The following CCDC57 variants were observed in gnomAD, a reference collection of about 807,000 sequenced individuals.
CCDC57 encodes the protein coiled-coil domain-containing protein 57.
A neutral mutation model predicts 118.9 loss-of-function variants in CCDC57; 118 were observed. The observed-to-expected ratio is 0.99, with a 90% CI of 0.86 to 1.16. CCDC57 has a LOEUF of 1.16. Ranked by LOEUF, CCDC57 falls within the 50% of genes most tolerant of loss-of-function variation. The pLI is 0.00. For synonymous variants in CCDC57, 527 were observed against 532.9 expected, an observed-to-expected ratio of 0.99 and a Z score of 0.15; for missense variants, 1,300 against 1,320.7, an observed-to-expected ratio of 0.98 and a Z score of 0.24.
At chr17:82,190,670 T>C (rs1477628546) in intron 7 of CCDC57, among the ~76,000 whole-genome samples, 1 of 125,796 alleles carries the variant, frequency 7.9e-6, no homozygotes, top group Non-Finnish European at 1.6e-5. Context: ...ACCATCTGCC[T>C]GGGCAACAGA....
chr17:82,111,402 G>A (rs1255717683), intron 19 of CCDC57, among the ~76,000 whole-genome samples: 2 of 141,458 alleles, frequency 1.4e-5, no homozygotes. Context: ...TTTTTGAGAG[G>A]CTGTCTTGCT....
At chr17:82,150,750 C>T (rs2041854304) in intron 16 of CCDC57, among the ~76,000 whole-genome samples, 2 of 91,176 alleles carry the variant, frequency 2.2e-5, no homozygotes, top group African/African-American at 4.3e-5. Context: ...GAACCTGACC[C>T]GCACCCAGAA....
chr17:82,110,454 T>C (rs1449718254), intron 19 of CCDC57, among the ~76,000 whole-genome samples: 3 of 152,302 alleles, frequency 2.0e-5, no homozygotes, highest in South Asian at 4.1e-4. Context: ...AACAAACCCA[T>C]GTCCTCCTGG....
At chr17:82,148,196 T>C (rs1238010709) in intron 16 of CCDC57, among the ~76,000 whole-genome samples, 3 of 125,778 alleles carry the variant, frequency 2.4e-5, no homozygotes, top group Admixed American at 8.3e-5. Context: ...GATAGATGGG[T>C]GCGTGGATGG....
chr17:82,126,355 T>TA (rs1252475429), intron 19 of CCDC57: 29 of 936,462 alleles, frequency 3.1e-5, no homozygotes, highest in Non-Finnish European at 3.6e-5. Flanking sequence ...AATATGAACA[T>TA]AAAAAAACAC....
chr17:82,126,084 G>C (rs568216066), intron 19 of CCDC57, among the ~76,000 whole-genome samples: 2 of 152,014 alleles, frequency 1.3e-5, no homozygotes, highest in African/African-American at 2.4e-5. Flanking sequence ...AGTTCGAGAC[G>C]AGCCAGCCCA....
intron 19 of CCDC57, among the ~76,000 whole-genome samples, chr17:82,119,639 G>A (rs2145086989): frequency 6.6e-6 from 1 of 152,196 alleles, no homozygotes; most frequent in African/African-American, 2.4e-5. Flanking sequence ...CAAGGAGGGT[G>A]CCTGCAGGTG....
At chr17:82,166,554 A>G (rs901535940) in intron 13 of CCDC57, among the ~76,000 whole-genome samples, 2 of 152,072 alleles carry the variant, frequency 1.3e-5, no homozygotes, top group African/African-American at 4.8e-5. Flanking sequence ...AAACTCCAGC[A>G]AGCAATTTAA....
chr17:82,198,917 C>G (rs1002190386), intron 3 of CCDC57, among the ~76,000 whole-genome samples: 7 of 148,218 alleles, frequency 4.7e-5, no homozygotes, highest in African/African-American at 1.8e-4. Context: ...GGCGTGAACC[C>G]GGGAGGTGGA....
At chr17:82,211,459 T>G (rs923851721) in intron 1 of CCDC57, among the ~76,000 whole-genome samples, 2 of 152,136 alleles carry the variant, frequency 1.3e-5, no homozygotes, top group Non-Finnish European at 2.9e-5. Context: ...TGAACTGTGG[T>G]TCTCTAAGAG....
chr17:82,200,260 G>A (rs1240621464), intron 3 of CCDC57, among the ~76,000 whole-genome samples: 2 of 152,174 alleles, frequency 1.3e-5, no homozygotes, highest in African/African-American at 2.4e-5. Context: ...AAAAGGGCGT[G>A]GCAGAACCCA....
At chr17:82,158,231 G>A (rs376424999) in intron 14 of CCDC57, among the ~76,000 whole-genome samples, 6 of 152,300 alleles carry the variant, frequency 3.9e-5, no homozygotes, top group African/African-American at 1.2e-4. Flanking sequence ...AGAGCGCCTC[G>A]AAACCCCTTC....
intron 9 of CCDC57, among the ~76,000 whole-genome samples, chr17:82,182,848 G>A (rs2046379988): frequency 6.6e-6 from 1 of 150,460 alleles, no homozygotes; most frequent in African/African-American, 2.5e-5. Flanking sequence ...ACCATGCCTG[G>A]CTAATTTTTG....
chr17:82,115,385 C>A (rs2035750622), intron 19 of CCDC57, among the ~76,000 whole-genome samples: 1 of 152,288 alleles, frequency 6.6e-6, no homozygotes, highest in East Asian at 1.9e-4. Flanking sequence ...GTCTTCAACA[C>A]ACAAAACTGC....
At chr17:82,105,648 G>A (rs1392325879) in intron 19 of CCDC57, among the ~76,000 whole-genome samples, 1 of 152,114 alleles carries the variant, frequency 6.6e-6, no homozygotes, top group South Asian at 2.1e-4. Context: ...GGGGGTCACC[G>A]TGGCCCCGGG....
At chr17:82,143,943 CAA>C (rs60893321) in intron 16 of CCDC57, among the ~76,000 whole-genome samples, 60,418 of 120,708 alleles carry the variant, frequency 0.5, 13,637 homozygotes, top group East Asian at 0.87. Context: ...ACTAAAAATA[CAA>C]AAAAAAAAAA....
chr17:82,201,212 AT>A (rs144601470), intron 3 of CCDC57, among the ~76,000 whole-genome samples: 2,495 of 152,354 alleles, frequency 0.016, 72 homozygotes, highest in African/African-American at 0.057. Flanking sequence ...ATCATTATAA[AT>A]TCAAATATGT....
chr17:82,122,541 A>G (rs1361390417), intron 19 of CCDC57, among the ~76,000 whole-genome samples: 1 of 111,644 alleles, frequency 9.0e-6, no homozygotes, highest in African/African-American at 3.4e-5. Flanking sequence ...GCTGAGATGC[A>G]TACCCACTGC....
At chr17:82,163,463 C>T in intron 13 of CCDC57, 106 bp from the exon 13 acceptor site, 1 of 1,384,620 alleles carries the variant, frequency 7.2e-7, no homozygotes, top group South Asian at 1.3e-5. Flanking sequence ...GAGGCCATGG[C>T]ACCAGCGGCT....
Sources: gnomAD v4.1 joint callset for allele counts (sites outside exome capture counted in the v4.1 genomes callset) on GRCh38, gnomAD v4.1.1 for gene constraint, MANE v1.5 for transcripts, NCBI Gene and HGNC (gene_info 2026-07-23, HGNC 2026-07-21) for gene names.